CALCR: variants seen among roughly 807,000 people sequenced by gnomAD.
CALCR encodes the protein calcitonin receptor.
Under a neutral mutation model 59.5 loss-of-function variants are expected in CALCR, and 47 were observed. That is an observed-to-expected ratio of 0.79 (90% confidence interval 0.63 to 1.01). CALCR has a LOEUF of 1.01. Ranked by LOEUF, CALCR falls within the 50% of genes least tolerant of loss-of-function variation. The pLI is 0.00. For missense variants in CALCR, 566 were observed against 597.1 expected (o/e 0.95, Z 0.54); for synonymous variants, 213 against 211.3 (o/e 1.01, Z -0.07).
chr7:93,530,012 AT>A lies in CALCR; in HGVS notation c.-26-43006del, dbSNP rs548319883. On this transcript the variant is annotated intron_variant, in intron 2 of 13. Coordinates refer to ENST00000426151, the MANE Select transcript of CALCR (RefSeq NM_001742.4). ...TATTGTACTCCAGTTTCATAGCATG[AT>A]CTCTCAGGTAAATTGGTTAACCAAA... 1.2e-4 allele frequency among the ~76,000 whole-genome samples: 19 copies of A among 152,188 alleles called. No individual in the cohort carries two copies. The South Asian group carries it at 3.9e-3, about 32-fold the overall frequency.
intron 2 of CALCR, among the ~76,000 whole-genome samples, chr7:93,512,647 A>G: frequency 6.6e-6 from 1 of 152,308 alleles, no homozygotes; most frequent in South Asian, 2.1e-4. Context: ...TAAGATAATT[A>G]TATTTTTTGA....
intron 2 of CALCR, among the ~76,000 whole-genome samples, chr7:93,550,420 G>A (rs990765715): frequency 4.7e-5 from 7 of 148,662 alleles, no homozygotes; most frequent in Admixed American, 2.0e-4. Context: ...CCCGGGAGGC[G>A]GAGATTGCAG....
rs1562922626 is a variant in CALCR, at chr7:93,426,598, G to A, written c.1192-9C>T. On this transcript the variant is annotated splice_polypyrimidine_tract_variant and intron_variant, in intron 13 of 13. Coordinates refer to ENST00000426151, the MANE Select transcript of CALCR (RefSeq NM_001742.4). ...TTCACGGTGGTTTGGACCTGGAAGA[G>A]AAAAAGGAGCCTTGTTTTTATATGA... The A allele has an allele frequency of 3.5e-6, 5 of 1,448,700 alleles. No individual in the cohort carries two copies. Among genetic ancestry groups the A allele is most frequent in the Admixed American group, 3.8e-5 (2 of 52,030 alleles). 89.7% of individuals were successfully genotyped at this position (1,448,700 alleles called of 1,614,324 possible). A position where few individuals can be genotyped will look rare whatever the true frequency, so the allele number is the denominator to read the frequency against.
At chr7:93,511,268 A>T (rs185043438) in intron 2 of CALCR, among the ~76,000 whole-genome samples, 6 of 152,300 alleles carry the variant, frequency 3.9e-5, no homozygotes, top group Admixed American at 3.3e-4. Context: ...AGATTGGAGA[A>T]GAATTCACAC....
intron 2 of CALCR, among the ~76,000 whole-genome samples, chr7:93,558,015 A>G (rs1168142981): frequency 1.3e-5 from 2 of 151,966 alleles, no homozygotes; most frequent in African/African-American, 2.4e-5. Flanking sequence ...GCTTTCAGGG[A>G]AATGTCGCCT....
chr7:93,477,513 TA>T, intron 5 of CALCR, 44 bp downstream of exon 5: 1 of 1,351,142 alleles, frequency 7.4e-7, no homozygotes, highest in Non-Finnish European at 1.1e-6. Context: ...ATGAAAACTC[TA>T]AAAGCTTCAT....
At chr7:93,493,619 T>C (rs11974294) in intron 2 of CALCR, among the ~76,000 whole-genome samples, 7,714 of 151,506 alleles carry the variant, frequency 0.051, 688 homozygotes, top group African/African-American at 0.18. Flanking sequence ...AATTTTACTC[T>C]TCTTTAGCAA....
chr7:93,492,803 G>T (rs1247687229), intron 2 of CALCR, among the ~76,000 whole-genome samples: 1 of 151,320 alleles, frequency 6.6e-6, no homozygotes, highest in Non-Finnish European at 1.5e-5. Context: ...GGGGGATCAG[G>T]GAGGGAATTA....
chr7:93,468,623 G>A, intron 7 of CALCR, 92 bp downstream of exon 7: 1 of 770,726 alleles, frequency 1.3e-6, no homozygotes, highest in Admixed American at 2.6e-5. Flanking sequence ...ATTTGCTGAA[G>A]ACCCTTCCCC....
intron 2 of CALCR, among the ~76,000 whole-genome samples, chr7:93,570,979 G>T (rs1389570450): frequency 6.6e-6 from 1 of 152,196 alleles, no homozygotes; most frequent in East Asian, 1.9e-4. Context: ...CTATCTTCAT[G>T]ATTCACTTTT....
chr7:93,557,018 T>C (rs1307201698), intron 2 of CALCR, among the ~76,000 whole-genome samples: 2 of 152,106 alleles, frequency 1.3e-5, no homozygotes, highest in Non-Finnish European at 2.9e-5. Context: ...AAATGTCTTA[T>C]CATAACTACC....
chr7:93,454,532 C>T (rs1800169441), intron 8 of CALCR, among the ~76,000 whole-genome samples: 1 of 151,756 alleles, frequency 6.6e-6, no homozygotes, highest in South Asian at 2.1e-4. Flanking sequence ...ATCCTGCTAG[C>T]TTCCTTTAGA....
chr7:93,485,717 A>T (rs1464725706), intron 3 of CALCR, among the ~76,000 whole-genome samples: 1 of 151,562 alleles, frequency 6.6e-6, no homozygotes, highest in Non-Finnish European at 1.5e-5. Flanking sequence ...TGTTTTTATT[A>T]TATTTCCAGT....
chr7:93,443,588 T>C lies in CALCR; in HGVS notation c.802+16A>G. 1 of 1,610,490 alleles carries C rather than the reference T, an allele frequency of 6.2e-7. No individual in the cohort carries two copies. The highest frequency in any genetic ancestry group is 2.2e-5 in the East Asian group (1 of 44,822). On this transcript the variant is annotated intron_variant, in intron 9 of 13. Transcript: ENST00000426151. ...AGGTGAAAGTGACTCAAAACTTAGC[T>C]GCAGAAAATACATACCCCAGCCCAA... is the stretch of plus-strand genomic sequence containing the variant.
intron 8 of CALCR, among the ~76,000 whole-genome samples, chr7:93,457,863 A>G (rs1247607882): frequency 2.6e-5 from 4 of 151,696 alleles, no homozygotes; most frequent in Admixed American, 6.6e-5. Flanking sequence ...AAATAAAGAC[A>G]ATCAACAGCA....
Position 93,511,338 on chromosome 7 carries a change from G to T in CALCR, c.-26-24331C>A, listed in dbSNP as rs145202038. 5.3e-4 allele frequency among the ~76,000 whole-genome samples: 81 copies of T among 152,076 alleles called. No individual in the cohort carries two copies. In the East Asian group the frequency reaches 0.015, roughly 28 times the overall value. On this transcript the variant is annotated intron_variant, in intron 2 of 13. Transcript: ENST00000426151. ...GTGTTCATTATACAATTATTTTTAT[G>T]TCATATATATTTCATAACTACTCAA...
chr7:93,528,447 G>A (rs996465244), intron 2 of CALCR, among the ~76,000 whole-genome samples: 1 of 151,992 alleles, frequency 6.6e-6, no homozygotes, highest in African/African-American at 2.4e-5. Flanking sequence ...CCCACAACAG[G>A]CCCCGGTGTG....
At chr7:93,516,033 A>C (rs530837497) in intron 2 of CALCR, among the ~76,000 whole-genome samples, 6 of 152,072 alleles carry the variant, frequency 3.9e-5, no homozygotes, top group Non-Finnish European at 8.8e-5. Context: ...TTTTAATGAT[A>C]CATAAAATAA....
Position 93,438,347 on chromosome 7 carries a change from G to T in CALCR, c.803-77C>A, listed in dbSNP as rs1037917625. On this transcript the variant is annotated intron_variant, in intron 9 of 13. Transcript: ENST00000426151. The stretch of plus-strand genomic sequence containing the variant: ...AAGTACAGCTGCATGGACAATGGTA[G>T]TGTACTTGCAAAAATACTGGCAAAT... 7 of 1,067,190 alleles carry T rather than the reference G, an allele frequency of 6.6e-6. No individual in the cohort carries two copies. The African/African-American group carries it at 9.4e-5, about 14-fold the overall frequency. The allele number at this position is 1,067,190 out of a possible 1,614,324, so 66.1% of individuals were successfully genotyped here. A position where few individuals can be genotyped will look rare whatever the true frequency, so the allele number is the denominator to read the frequency against.
Sources: gnomAD v4.1 joint callset for allele counts (sites outside exome capture counted in the v4.1 genomes callset) on GRCh38, gnomAD v4.1.1 for gene constraint, MANE v1.5 for transcripts, NCBI Gene and HGNC (gene_info 2026-07-23, HGNC 2026-07-21) for gene names.